Variants in RIMS2 observed in about 807,000 individuals in gnomAD.
RIMS2 encodes the protein regulating synaptic membrane exocytosis protein 2.
In RIMS2, 59 loss-of-function variants were observed where a neutral mutation model predicts 174.4. The ratio of observed to expected loss-of-function variants is 0.34; its 90% CI spans 0.27 to 0.42. RIMS2 has a LOEUF of 0.42. Among genes scored for constraint, RIMS2 ranks in the 10% least tolerant of loss-of-function variants. The pLI is 1.00. For missense variants in RIMS2, 1,620 were observed against 1,666.3 expected (o/e 0.97, Z 0.48); for synonymous variants, 606 against 572.5 (o/e 1.06, Z -0.84).
chr8:104,050,057 A>G (rs1248446172), intron 19 of RIMS2, among the ~76,000 whole-genome samples: 1 of 152,192 alleles, frequency 6.6e-6, no homozygotes, highest in African/African-American at 2.4e-5. Flanking sequence ...TCCTTATAAA[A>G]TAGCCAAATA....
At chr8:103,622,796 C>A (rs1437871601) in intron 1 of RIMS2, among the ~76,000 whole-genome samples, 1 of 152,188 alleles carries the variant, frequency 6.6e-6, no homozygotes, top group Non-Finnish European at 1.5e-5. Flanking sequence ...GCCAGGGAAA[C>A]TGATCTAGTC....
At chr8:103,695,824 C>T (rs973220070) in intron 1 of RIMS2, among the ~76,000 whole-genome samples, 5 of 151,696 alleles carry the variant, frequency 3.3e-5, no homozygotes, top group African/African-American at 1.2e-4. Flanking sequence ...TTCTCTAATT[C>T]TTATTGGGTT....
intron 1 of RIMS2, among the ~76,000 whole-genome samples, chr8:103,624,928 C>T (rs2095743263): frequency 6.6e-6 from 1 of 152,022 alleles, no homozygotes; most frequent in African/African-American, 2.4e-5. Context: ...ATACTAAGCC[C>T]CTTTTTGGCA....
At chr8:103,602,675 G>A (rs919064687) in intron 1 of RIMS2, among the ~76,000 whole-genome samples, 2 of 152,186 alleles carry the variant, frequency 1.3e-5, no homozygotes, top group Non-Finnish European at 2.9e-5. Context: ...TGGTGTATAT[G>A]TTCTACACTT....
chr8:103,824,111 T>G (rs1359627354), intron 3 of RIMS2, among the ~76,000 whole-genome samples: 1 of 152,130 alleles, frequency 6.6e-6, no homozygotes, highest in Non-Finnish European at 1.5e-5. Flanking sequence ...ACCTTAGCAA[T>G]ATACTACAAT....
intron 19 of RIMS2, among the ~76,000 whole-genome samples, chr8:104,100,861 A>G (rs1051094285): frequency 3.6e-5 from 5 of 140,572 alleles, no homozygotes; most frequent in African/African-American, 7.9e-5. Flanking sequence ...TATATGTAAT[A>G]TATATTATAT....
chr8:103,736,189 G>T (rs933416281), intron 2 of RIMS2, among the ~76,000 whole-genome samples: 1 of 152,122 alleles, frequency 6.6e-6, no homozygotes, highest in African/African-American at 2.4e-5. Flanking sequence ...GTTGTAATGT[G>T]AGTCAAAACT....
intron 16 of RIMS2, among the ~76,000 whole-genome samples, chr8:103,983,319 T>C (rs962591407): frequency 2.0e-5 from 3 of 152,212 alleles, no homozygotes; most frequent in African/African-American, 7.2e-5. Flanking sequence ...CTTTCTATAC[T>C]ACCCAAAGAA....
chr8:104,129,345 A>C lies in RIMS2; in HGVS notation c.3334+114730A>C, dbSNP rs1052952097. 2.6e-5 allele frequency among the ~76,000 whole-genome samples: 4 copies of C among 152,180 alleles called. No homozygotes were observed. In the South Asian group the frequency reaches 8.3e-4, roughly 32 times the overall value. On this transcript the variant is annotated intron_variant, in intron 19 of 23. Coordinates refer to ENST00000504942, the Ensembl canonical transcript of RIMS2. ...GGTTACAATCAGCCCTAGTAATACA[A>C]CTACACTCCGGCCTGGGAACGAGCA...
At chr8:103,727,687 AG>A (rs2097541618) in intron 2 of RIMS2, among the ~76,000 whole-genome samples, 1 of 152,150 alleles carries the variant, frequency 6.6e-6, no homozygotes, top group Admixed American at 6.5e-5. Context: ...CCATTTATTG[AG>A]GAGACTGACA....
At chr8:104,002,149 G>T (rs1229269236) in intron 17 of RIMS2, among the ~76,000 whole-genome samples, 1 of 151,920 alleles carries the variant, frequency 6.6e-6, no homozygotes, top group African/African-American at 2.4e-5. Context: ...ATCTTAATTT[G>T]AATACTATGC....
chr8:103,805,907 A>G (rs888336959), intron 3 of RIMS2, among the ~76,000 whole-genome samples: 4 of 152,128 alleles, frequency 2.6e-5, no homozygotes, highest in Non-Finnish European at 5.9e-5. Flanking sequence ...CATCTCTCAG[A>G]AATATTTATA....
chr8:103,889,499 G>T (rs909726461), intron 4 of RIMS2, among the ~76,000 whole-genome samples: 18 of 151,608 alleles, frequency 1.2e-4, no homozygotes, highest in Admixed American at 4.6e-4. Flanking sequence ...AATAGCACCA[G>T]GGAACATTAT....
At chr8:103,643,885 G>T (rs1354857027) in intron 1 of RIMS2, among the ~76,000 whole-genome samples, 1 of 151,958 alleles carries the variant, frequency 6.6e-6, no homozygotes, top group Non-Finnish European at 1.5e-5. Flanking sequence ...TACATTGAAG[G>T]CTAGAGGAGG....
At chr8:103,978,487 G>A (rs1368831446) in intron 16 of RIMS2, among the ~76,000 whole-genome samples, 1 of 151,518 alleles carries the variant, frequency 6.6e-6, no homozygotes, top group Non-Finnish European at 1.5e-5. Flanking sequence ...TAGACAGTCT[G>A]TACTTTGCAC....
At position 103,921,039 on chromosome 8, in the gene RIMS2, C is replaced by T. The variant is rs112539752; in HGVS notation, c.2084-633C>T. ...ACAACAACAACAACAACAACAACAA[C>T]AACAACAAAAACAGGTCTTCCCCAG... is the stretch of plus-strand genomic sequence containing the variant. On this transcript the variant is annotated intron_variant, in intron 9 of 23. Transcript: ENST00000504942. The T allele has an allele frequency of 5.6e-5, 11 of 196,846 alleles. 2 individuals carry two copies. The highest frequency in any genetic ancestry group is 2.0e-4 in the African/African-American group (8 of 40,426). The allele number at this position is 196,846 out of a possible 1,614,324, so 12.2% of individuals were successfully genotyped here.
intron 19 of RIMS2, among the ~76,000 whole-genome samples, chr8:104,229,376 A>G (rs952730757): frequency 5.9e-5 from 9 of 152,270 alleles, no homozygotes; most frequent in African/African-American, 2.2e-4. Flanking sequence ...TATATATAAT[A>G]TTATTTGAAC....
chr8:104,226,427 A>C (rs1254040583), intron 19 of RIMS2, among the ~76,000 whole-genome samples: 1 of 152,184 alleles, frequency 6.6e-6, no homozygotes, highest in African/African-American at 2.4e-5. Context: ...CAAGAAGTCT[A>C]CAGAGAGATC....
At chr8:104,129,365 C>T (rs949862641) in intron 19 of RIMS2, among the ~76,000 whole-genome samples, 11 of 152,122 alleles carry the variant, frequency 7.2e-5, no homozygotes, top group African/African-American at 1.2e-4. Flanking sequence ...GGCCTGGGAA[C>T]GAGCAAGACC....
Sources: allele counts gnomAD v4.1 joint callset (sites outside exome capture counted in the v4.1 genomes callset), GRCh38; gene constraint gnomAD v4.1.1; transcripts MANE v1.5; gene names NCBI Gene and HGNC (gene_info 2026-07-23, HGNC 2026-07-21).